GRM8: variants seen among roughly 807,000 people sequenced by gnomAD.
GRM8 encodes the protein metabotropic glutamate receptor 8.
A neutral mutation model predicts 87.2 loss-of-function variants in GRM8; 47 were observed. The ratio of observed to expected loss-of-function variants is 0.54; its 90% CI spans 0.43 to 0.69. The LOEUF is 0.69. GRM8 is among the 30% of genes least tolerant of loss of function. The pLI is 0.00. For synonymous variants in GRM8, 396 were observed against 404.5 expected (o/e 0.98, Z 0.25); for missense variants, 1,019 against 1,139.2 (o/e 0.89, Z 1.52).
intron 8 of GRM8, among the ~76,000 whole-genome samples, chr7:126,564,769 C>G (rs537346351): frequency 2.0e-5 from 3 of 152,028 alleles, no homozygotes; most frequent in Non-Finnish European, 2.9e-5. Flanking sequence ...CCAAATACAA[C>G]AAAGGAAAAG....
chr7:126,552,353 A>C (rs938027484), intron 8 of GRM8, among the ~76,000 whole-genome samples: 3 of 152,116 alleles, frequency 2.0e-5, no homozygotes, highest in Non-Finnish European at 4.4e-5. Context: ...ATTTTACTTA[A>C]GCTAGCATTT....
At chr7:126,747,991 A>G (rs115809606) in intron 7 of GRM8, among the ~76,000 whole-genome samples, 6 of 152,136 alleles carry the variant, frequency 3.9e-5, no homozygotes, top group African/African-American at 1.2e-4. Context: ...TTATCACACT[A>G]TTCTACAACT....
Position 126,902,531 on chromosome 7 carries a change from T to G in GRM8, c.1156+11A>C, listed in dbSNP as rs779679830. 5 of 1,561,790 alleles carry G rather than the reference T, an allele frequency of 3.2e-6. No individual in the cohort carries two copies. Among genetic ancestry groups the G allele is most frequent in the Non-Finnish European group, 3.5e-6 (4 of 1,156,460 alleles). Reference sequence around the variant, plus strand: ...AAATAAATGCACCACAGGAAACATTTGAGTGGTTACCTGTGCATTTCTTTA... The same window carrying G: ...AAATAAATGCACCACAGGAAACATTGGAGTGGTTACCTGTGCATTTCTTTA... On this transcript the variant is annotated intron_variant, in intron 6 of 10. Coordinates refer to ENST00000339582, the MANE Select transcript of GRM8 (RefSeq NM_000845.3).
At chr7:126,947,718 C>T (rs1242095833) in intron 3 of GRM8, among the ~76,000 whole-genome samples, 1 of 152,108 alleles carries the variant, frequency 6.6e-6, no homozygotes, top group Non-Finnish European at 1.5e-5. Context: ...CCTTTTCATT[C>T]CATTTTGGTC....
chr7:127,181,353 A>C (rs573690557), intron 2 of GRM8, among the ~76,000 whole-genome samples: 22 of 152,176 alleles, frequency 1.4e-4, no homozygotes, highest in Non-Finnish European at 2.6e-4. Flanking sequence ...TAGATGACAC[A>C]AACAAATGGA....
At chr7:126,501,489 C>A (rs1809636469) in intron 9 of GRM8, among the ~76,000 whole-genome samples, 1 of 151,944 alleles carries the variant, frequency 6.6e-6, no homozygotes, top group Non-Finnish European at 1.5e-5. Flanking sequence ...CTTAGAAGCA[C>A]TGGCAAAGTG....
intron 3 of GRM8, among the ~76,000 whole-genome samples, chr7:127,018,677 G>A (rs992802366): frequency 1.3e-5 from 2 of 151,934 alleles, no homozygotes; most frequent in East Asian, 3.9e-4. Flanking sequence ...TCATATGCAG[G>A]AGGCTGCTAA....
chr7:126,970,468 C>G (rs936935600), intron 3 of GRM8, among the ~76,000 whole-genome samples: 1 of 152,164 alleles, frequency 6.6e-6, no homozygotes, highest in Non-Finnish European at 1.5e-5. Flanking sequence ...TTTTCTGCAG[C>G]TTCTTCACCT....
chr7:126,916,730 C>A (rs1250125285), intron 3 of GRM8, among the ~76,000 whole-genome samples: 1 of 152,208 alleles, frequency 6.6e-6, no homozygotes, highest in Non-Finnish European at 1.5e-5. Context: ...AAACTGATAG[C>A]AGAAAGGTCA....
In GRM8 at chr7:127,105,662, T is replaced by C. The variant is rs546096850; in HGVS notation, c.727+834A>G. On this transcript the variant is annotated intron_variant, in intron 3 of 10. Transcript: ENST00000339582. ...AAAAAATCAATGGACACTTTAATTT[T>C]TCCACAAAATATTACTCTTATAGAA... Among the ~76,000 whole-genome samples, 6 of 152,340 alleles carry C rather than the reference T, an allele frequency of 3.9e-5. No homozygotes were observed. In the East Asian group the frequency reaches 1.2e-3, roughly 29 times the overall value.
intron 3 of GRM8, among the ~76,000 whole-genome samples, chr7:126,984,975 G>C (rs1261940131): frequency 1.3e-5 from 2 of 151,888 alleles, no homozygotes; most frequent in African/African-American, 4.8e-5. Flanking sequence ...GTAATTAAAA[G>C]TTTCCTGATA....
At chr7:126,574,771 G>C (rs945386586) in intron 8 of GRM8, among the ~76,000 whole-genome samples, 3 of 151,936 alleles carry the variant, frequency 2.0e-5, no homozygotes, top group Non-Finnish European at 2.9e-5. Flanking sequence ...TTAGAAACAG[G>C]CTCCTTTTAA....
intron 6 of GRM8, among the ~76,000 whole-genome samples, chr7:126,895,671 T>C (rs1432193184): frequency 6.6e-6 from 1 of 152,064 alleles, no homozygotes; most frequent in African/African-American, 2.4e-5. Context: ...AACTTCTAGT[T>C]GATAGTTTCT....
chr7:126,550,897 C>G (rs1792514429), intron 8 of GRM8, among the ~76,000 whole-genome samples: 1 of 151,368 alleles, frequency 6.6e-6, no homozygotes, highest in Admixed American at 6.6e-5. Context: ...GTTGAAATTA[C>G]AGATACCTGG....
chr7:126,871,422 C>T (rs150371610), intron 6 of GRM8, among the ~76,000 whole-genome samples: 28 of 152,276 alleles, frequency 1.8e-4, no homozygotes, highest in African/African-American at 6.5e-4. Flanking sequence ...TAAAAGAGCA[C>T]ATTTTATGAA....
intron 3 of GRM8, chr7:127,076,283 T>C (rs1315883492): frequency 2.2e-6 from 1 of 446,720 alleles, no homozygotes; most frequent in Non-Finnish European, 4.5e-6. Flanking sequence ...TTTAATGCTG[T>C]AATATACATT....
At chr7:126,831,526 G>A (rs1356781889) in intron 6 of GRM8, among the ~76,000 whole-genome samples, 1 of 152,222 alleles carries the variant, frequency 6.6e-6, no homozygotes, top group East Asian at 1.9e-4. Flanking sequence ...ATAATCTCCT[G>A]GTATGCCATT....
chr7:126,982,212 G>T (rs1430917171), intron 3 of GRM8, among the ~76,000 whole-genome samples: 2 of 152,126 alleles, frequency 1.3e-5, no homozygotes, highest in Non-Finnish European at 2.9e-5. Flanking sequence ...ATGCTTTTCT[G>T]CCCACTTTAT....
chr7:126,681,970 T>A (rs1222582085), intron 7 of GRM8, among the ~76,000 whole-genome samples: 1 of 152,224 alleles, frequency 6.6e-6, no homozygotes, highest in African/African-American at 2.4e-5. Flanking sequence ...TTGAATTTGA[T>A]GAGCCATCCC....
Sources: allele counts gnomAD v4.1 joint callset (sites outside exome capture counted in the v4.1 genomes callset), GRCh38; gene constraint gnomAD v4.1.1; transcripts MANE v1.5; gene names NCBI Gene and HGNC (gene_info 2026-07-23, HGNC 2026-07-21).